The following FREM1 variants were observed in gnomAD, a reference collection of about 807,000 sequenced individuals.
FREM1 encodes FRAS1-related extracellular matrix protein 1.
In FREM1, 220 loss-of-function variants were observed where a neutral mutation model predicts 210.1. The ratio of observed to expected loss-of-function variants is 1.05; its 90% CI spans 0.94 to 1.17. The LOEUF (loss-of-function observed/expected upper bound fraction) is 1.17. FREM1 is among the 50% of genes most tolerant of loss of function. The pLI, the probability that FREM1 is intolerant of heterozygous loss-of-function variation, is 0.00. For missense variants in FREM1, 3,454 were observed against 2,675.5 expected, an observed-to-expected ratio of 1.29 and a Z score of -6.42; for synonymous variants, 1,189 against 980.2, an observed-to-expected ratio of 1.21 and a Z score of -3.98.
chr9:14,872,673 C>A (rs1380471625), intron 1 of FREM1, among the ~76,000 whole-genome samples: 2 of 150,272 alleles, frequency 1.3e-5, no homozygotes. Flanking sequence ...CTTCTCCTGC[C>A]TAATTGCCCT....
intron 10 of FREM1, among the ~76,000 whole-genome samples, chr9:14,825,488 CAAA>C (rs137921355): frequency 1.2e-3 from 81 of 68,900 alleles, no homozygotes; most frequent in South Asian, 4.2e-3. Flanking sequence ...GACTCCATTT[CAAA>C]AAAAAAAAAA....
chr9:14,801,189 G>C (rs1817217151), intron 20 of FREM1, among the ~76,000 whole-genome samples: 1 of 152,182 alleles, frequency 6.6e-6, no homozygotes, highest in South Asian at 2.1e-4. Flanking sequence ...GTAGAGACAG[G>C]GTTTCACCAT....
At chr9:14,889,014 A>G (rs1305526256) in intron 1 of FREM1, among the ~76,000 whole-genome samples, 2 of 152,202 alleles carry the variant, frequency 1.3e-5, no homozygotes, top group Non-Finnish European at 2.9e-5. Context: ...ATTACTAAAC[A>G]TTCCTTGCAA....
At position 14,908,331 on chromosome 9, in the gene FREM1, C is replaced by G. The variant is rs139816393; in HGVS notation, c.-268+1583G>C. On this transcript the variant is annotated intron_variant, in intron 1 of 36. Coordinates refer to ENST00000380880, the MANE Select transcript of FREM1 (RefSeq NM_001379081.2). ...CAAGCTCAGTTTACCCAAACTCAGC[C>G]TCGCCCAACCCCTACAGCCCAGCAG... Among the ~76,000 whole-genome samples, 7 of 152,278 alleles carry G rather than the reference C, an allele frequency of 4.6e-5. No individual in the cohort carries two copies. The East Asian group carries it at 1.4e-3, about 29-fold the overall frequency.
chr9:14,774,331 T>C (rs7018782), intron 25 of FREM1, among the ~76,000 whole-genome samples: 148,265 of 152,212 alleles, frequency 0.97, 72,326 homozygotes, highest in Middle Eastern at 1. Context: ...AGTTGTAGGC[T>C]TTAAGAGAAA....
At chr9:14,808,213 T>C (rs1818731432) in intron 16 of FREM1, 79 bp from the exon 17 acceptor site, 1 of 874,208 alleles carries the variant, frequency 1.1e-6, no homozygotes, top group Non-Finnish European at 1.7e-6. Context: ...ACACCTCTTC[T>C]ACAAGCATTG....
chr9:14,792,634 G>A, intron 22 of FREM1, 109 bp downstream of exon 22: 1 of 823,642 alleles, frequency 1.2e-6, no homozygotes, highest in Non-Finnish European at 1.7e-6. Context: ...TCTACTTCTA[G>A]GCAAATATAT....
In FREM1 at chr9:14,839,660, T is replaced by C. The variant is rs550648400; in HGVS notation, c.1881+1787A>G. Among the ~76,000 whole-genome samples, 4 of 152,336 alleles carry C rather than the reference T, an allele frequency of 2.6e-5. No individual in the cohort carries two copies. In the South Asian group the frequency reaches 8.3e-4, roughly 32 times the overall value. On this transcript the variant is annotated intron_variant, in intron 10 of 36. Transcript: ENST00000380880. ...GAAATAATTATGCTGCACTAAAGTTTTCATTACAGAGAAATCTGACATCTA... is the reference window on the plus strand; with the variant it reads ...GAAATAATTATGCTGCACTAAAGTTCTCATTACAGAGAAATCTGACATCTA...
At chr9:14,895,577 A>G (rs1261911112) in intron 1 of FREM1, among the ~76,000 whole-genome samples, 1 of 152,024 alleles carries the variant, frequency 6.6e-6, no homozygotes, top group Non-Finnish European at 1.5e-5. Flanking sequence ...GCTCATGAAA[A>G]ATCTTCTAAT....
intron 28 of FREM1, among the ~76,000 whole-genome samples, chr9:14,759,063 C>T (rs533628127): frequency 3.9e-5 from 6 of 152,226 alleles, no homozygotes; most frequent in African/African-American, 1.4e-4. Flanking sequence ...TCTGGGTACC[C>T]CACAGAATGT....
intron 33 of FREM1, 85 bp from the exon 34 acceptor site, chr9:14,747,136 G>C (rs145607985): frequency 2.8e-5 from 45 of 1,591,468 alleles, no homozygotes; most frequent in Non-Finnish European, 3.8e-5. Context: ...GTCTTCATTT[G>C]TTGGGAAGCA....
rs751829473 is a variant in FREM1 at position 14,848,037 on chromosome 9, A to C, written c.1261+628T>G. 2.1e-4 allele frequency among the ~76,000 whole-genome samples: 32 copies of C among 152,352 alleles called. 1 individual carries two copies. Among genetic ancestry groups the C allele is most frequent in the Admixed American group, 1.1e-3 (17 of 15,300 alleles). ...GTTTAAGCTGCCACCTGAGGATTTA[A>C]ATCAGACACAGATATTTTTTCCTTA... On this transcript the variant is annotated intron_variant, in intron 7 of 36. Transcript: ENST00000380880.
At chr9:14,804,446 G>T (rs567194458) in intron 19 of FREM1, among the ~76,000 whole-genome samples, 1 of 152,250 alleles carries the variant, frequency 6.6e-6, no homozygotes, top group South Asian at 2.1e-4. Flanking sequence ...TTAGCCGGGC[G>T]TGGTGGCGGG....
At chr9:14,878,184 G>A (rs1297877219) in intron 1 of FREM1, among the ~76,000 whole-genome samples, 1 of 152,126 alleles carries the variant, frequency 6.6e-6, no homozygotes, top group Non-Finnish European at 1.5e-5. Context: ...GTGAAGCCCT[G>A]GTGATGATCT....
rs907683856 is a variant in FREM1, at chr9:14,901,808, G to C, written c.-268+8106C>G. ...TCAGCCTTGAATTCATCATCTTACA[G>C]TGGGGATTCATAATATTGACTTTAT... On this transcript the variant is annotated intron_variant, in intron 1 of 36. Coordinates refer to ENST00000380880, the MANE Select transcript of FREM1 (RefSeq NM_001379081.2). 3.8e-4 allele frequency among the ~76,000 whole-genome samples: 58 copies of C among 152,132 alleles called. 1 individual carries two copies. The highest frequency in any genetic ancestry group is 8.8e-5 in the Non-Finnish European group (6 of 68,032).
At chr9:14,781,272 C>G (rs1849606183) in intron 24 of FREM1, among the ~76,000 whole-genome samples, 2 of 152,196 alleles carry the variant, frequency 1.3e-5, no homozygotes. Flanking sequence ...AGGACATTCT[C>G]TGGTGCATTG....
At chr9:14,737,651 T>C in intron 36 of FREM1, 56 bp from the exon 37 acceptor site, 1 of 1,335,012 alleles carries the variant, frequency 7.5e-7, no homozygotes. Context: ...TACTTAGATA[T>C]CATATCCAGC....
At chr9:14,769,896 G>T (rs781313670) in intron 26 of FREM1, 28 bp from the exon 27 acceptor site, 11 of 1,152,474 alleles carry the variant, frequency 9.5e-6, no homozygotes, top group Non-Finnish European at 1.4e-5. Flanking sequence ...TGAATATCAT[G>T]GGTAATCAAA....
In FREM1 at chr9:14,909,963, G is replaced by T. The variant is rs1818449451; in HGVS notation, c.-317C>A. The T allele has an allele frequency of 6.6e-6, 1 of 152,216 alleles. No individual in the cohort carries two copies. The highest frequency in any genetic ancestry group is 6.5e-5 in the Admixed American group (1 of 15,284). The allele number at this position is 152,216 out of a possible 1,614,324, so 9.4% of individuals were successfully genotyped here. A position where few individuals can be genotyped will look rare whatever the true frequency, so the allele number is the denominator to read the frequency against. On this transcript the variant is annotated 5_prime_UTR_variant, in exon 1 of 37. Transcript: ENST00000380880. Reference sequence around the variant, plus strand: ...CAAAAAGTTAGAAACCCTTGGAACTGGCGGGCAGGATAAGAGTCACTGACA... The same window carrying T: ...CAAAAAGTTAGAAACCCTTGGAACTTGCGGGCAGGATAAGAGTCACTGACA...
Sources: gnomAD v4.1 joint callset for allele counts (sites outside exome capture counted in the v4.1 genomes callset) on GRCh38, gnomAD v4.1.1 for gene constraint, MANE v1.5 for transcripts, NCBI Gene and HGNC (gene_info 2026-07-23, HGNC 2026-07-21) for gene names.